Variants in SLC35F3 observed in about 807,000 individuals in gnomAD.
SLC35F3 encodes the protein putative thiamine transporter SLC35F3.
A neutral mutation model predicts 49.9 loss-of-function variants in SLC35F3; 25 were observed. That is an observed-to-expected ratio of 0.50 (90% CI 0.37 to 0.70). The LOEUF is 0.70. SLC35F3 is among the 30% of genes least tolerant of loss of function. The probability of loss-of-function intolerance (pLI) is 0.00; values close to 1 mark genes in which losing one functional copy is unlikely to be tolerated. For synonymous variants in SLC35F3, 275 were observed against 265.4 expected (o/e 1.04, Z -0.35); for missense variants, 525 against 639.8 (o/e 0.82, Z 1.94).
At chr1:234,178,861 C>T (rs1558251679) in intron 2 of SLC35F3, among the ~76,000 whole-genome samples, 3 of 152,226 alleles carry the variant, frequency 2.0e-5, no homozygotes. Context: ...TGTCTAATGA[C>T]ATGTGTATCT....
chr1:234,146,472 A>G (rs889506106), intron 2 of SLC35F3, among the ~76,000 whole-genome samples: 10 of 116,304 alleles, frequency 8.6e-5, no homozygotes, highest in African/African-American at 3.4e-4. Flanking sequence ...AGTTACCAAG[A>G]TATTTGCTCT....
At chr1:234,011,132 T>C (rs1201044431) in intron 2 of SLC35F3, among the ~76,000 whole-genome samples, 1 of 152,156 alleles carries the variant, frequency 6.6e-6, no homozygotes, top group Admixed American at 6.5e-5. Flanking sequence ...GAAATAAATG[T>C]GAGCTACTAT....
At chr1:234,083,347 C>T (rs964983946) in intron 2 of SLC35F3, among the ~76,000 whole-genome samples, 6 of 152,170 alleles carry the variant, frequency 3.9e-5, no homozygotes, top group African/African-American at 7.2e-5. Context: ...ATACTGGTTT[C>T]GTATCACCTG....
chr1:233,978,966 G>A (rs969256846), intron 2 of SLC35F3, among the ~76,000 whole-genome samples: 5 of 151,694 alleles, frequency 3.3e-5, no homozygotes, highest in Non-Finnish European at 5.9e-5. Flanking sequence ...AGCCTGGGAG[G>A]CAGAGGTTGC....
At chr1:234,235,048 G>A (rs556064798) in intron 3 of SLC35F3, among the ~76,000 whole-genome samples, 1 of 152,276 alleles carries the variant, frequency 6.6e-6, no homozygotes, top group East Asian at 1.9e-4. Context: ...TGTCAGTCCT[G>A]AAGAAATCAA....
chr1:234,137,382 A>G lies in SLC35F3; in HGVS notation c.284-94035A>G, dbSNP rs575422060. 7.9e-5 allele frequency among the ~76,000 whole-genome samples: 12 copies of G among 152,332 alleles called. No individual in the cohort carries two copies. In the South Asian group the frequency reaches 8.3e-4, roughly 11 times the overall value. ...GGAATGTCAGGTGCTTTTGTGAGGC[A>G]TGAGAGATAAGCATCAAAGAGCAAT... On this transcript the variant is annotated intron_variant, in intron 2 of 7. Transcript: ENST00000366618.
intron 2 of SLC35F3, among the ~76,000 whole-genome samples, chr1:233,983,217 C>CACTGGA (rs1663214264): frequency 6.6e-6 from 1 of 152,116 alleles, no homozygotes; most frequent in Non-Finnish European, 1.5e-5. Context: ...AAATACATTT[C>CACTGGA]AAATTTTTTG....
At chr1:234,143,014 T>A (rs1665940567) in intron 2 of SLC35F3, among the ~76,000 whole-genome samples, 1 of 152,206 alleles carries the variant, frequency 6.6e-6, no homozygotes, top group African/African-American at 2.4e-5. Flanking sequence ...CAAATTAACA[T>A]ATCCGTCACC....
At chr1:234,126,287 A>G (rs958495421) in intron 2 of SLC35F3, among the ~76,000 whole-genome samples, 2 of 152,142 alleles carry the variant, frequency 1.3e-5, no homozygotes, top group East Asian at 1.9e-4. Context: ...AGCCCTACTC[A>G]TCTTTTGTTT....
At chr1:233,963,380 A>G (rs1571999445) in intron 2 of SLC35F3, among the ~76,000 whole-genome samples, 1 of 151,038 alleles carries the variant, frequency 6.6e-6, no homozygotes, top group East Asian at 2.0e-4. Flanking sequence ...GGCTCACTGC[A>G]AGCTCCGCCT....
intron 2 of SLC35F3, among the ~76,000 whole-genome samples, chr1:234,168,943 G>A (rs959200929): frequency 5.9e-5 from 9 of 152,206 alleles, no homozygotes; most frequent in Non-Finnish European, 1.2e-4. Flanking sequence ...TGGTTATGGA[G>A]GCCGAGAAAG....
intron 3 of SLC35F3, among the ~76,000 whole-genome samples, chr1:234,277,932 G>A (rs1453529040): frequency 3.3e-5 from 5 of 152,236 alleles, no homozygotes; most frequent in African/African-American, 1.2e-4. Context: ...GGTGGCTCAC[G>A]CCTGTAATCT....
At chr1:234,301,008 G>C (rs1668683409) in intron 3 of SLC35F3, among the ~76,000 whole-genome samples, 1 of 152,210 alleles carries the variant, frequency 6.6e-6, no homozygotes, top group Non-Finnish European at 1.5e-5. Flanking sequence ...TAAGTATCTG[G>C]CCTGGGTAGA....
intron 2 of SLC35F3, among the ~76,000 whole-genome samples, chr1:234,185,906 A>G (rs1335596549): frequency 1.3e-5 from 2 of 152,140 alleles, no homozygotes; most frequent in South Asian, 2.1e-4. Context: ...TTTTTTTATC[A>G]TCACTCTCTT....
chr1:234,067,477 G>A (rs933081687), intron 2 of SLC35F3, among the ~76,000 whole-genome samples: 4 of 152,126 alleles, frequency 2.6e-5, no homozygotes, highest in African/African-American at 4.8e-5. Context: ...CCTTATGTCC[G>A]CATCCGTGAG....
chr1:233,954,009 T>C (rs1012978128), intron 2 of SLC35F3, among the ~76,000 whole-genome samples: 4 of 133,716 alleles, frequency 3.0e-5, no homozygotes, highest in African/African-American at 1.1e-4. Flanking sequence ...CTAGAGCCTC[T>C]TTTTTTTTTT....
intron 2 of SLC35F3, among the ~76,000 whole-genome samples, chr1:234,151,078 C>G (rs1666069055): frequency 6.6e-6 from 1 of 152,016 alleles, no homozygotes; most frequent in South Asian, 2.1e-4. Context: ...AGAAACTGGC[C>G]CAGCAGAGCT....
intron 2 of SLC35F3, among the ~76,000 whole-genome samples, chr1:234,183,420 C>A (rs1289425218): frequency 7.0e-6 from 1 of 142,606 alleles, no homozygotes; most frequent in Non-Finnish European, 1.5e-5. Context: ...TAAGAAAATG[C>A]ATATGGTTGT....
At chr1:234,003,114 C>A (rs1331452311) in intron 2 of SLC35F3, among the ~76,000 whole-genome samples, 1 of 152,198 alleles carries the variant, frequency 6.6e-6, no homozygotes. Flanking sequence ...CTCCAAGAAG[C>A]CCTGGTTCTT....
Sources: allele counts gnomAD v4.1 joint callset (sites outside exome capture counted in the v4.1 genomes callset), GRCh38; gene constraint gnomAD v4.1.1; transcripts MANE v1.5; gene names NCBI Gene and HGNC (gene_info 2026-07-23, HGNC 2026-07-21).